Variants in THADA observed in about 807,000 individuals in gnomAD.
THADA encodes the protein tRNA (32-2'-O)-methyltransferase regulator THADA.
A neutral mutation model predicts 219.8 loss-of-function variants in THADA; 213 were observed. The ratio of observed to expected loss-of-function variants is 0.97; its 90% CI spans 0.87 to 1.09. THADA has a LOEUF of 1.09. Ranked by LOEUF, THADA falls within the 50% of genes least tolerant of loss-of-function variation. THADA has a pLI of 0.00. For missense variants in THADA, 2,956 were observed against 2,311.3 expected (o/e 1.28, Z -5.72); for synonymous variants, 1,018 against 828.9 (o/e 1.23, Z -3.92).
intron 26 of THADA, among the ~76,000 whole-genome samples, chr2:43,473,957 A>T (rs1189813533): frequency 6.6e-6 from 1 of 152,144 alleles, no homozygotes; most frequent in Non-Finnish European, 1.5e-5. Flanking sequence ...TAGGTTTTAC[A>T]CCAGCATCAC....
chr2:43,326,536 C>T lies in THADA; in HGVS notation c.4344-5996G>A, dbSNP rs375934182. Among the ~76,000 whole-genome samples, 7 of 152,266 alleles carry T rather than the reference C, an allele frequency of 4.6e-5. No individual in the cohort carries two copies. The East Asian group carries it at 9.6e-4, about 21-fold the overall frequency. On this transcript the variant is annotated intron_variant, in intron 30 of 37. Transcript: ENST00000405975. ...GTGGCCTCCATCAAAGAAGTACCTC[C>T]TAACTCCTATCTACAAGATATAATC...
At chr2:43,374,741 A>G (rs1671185421) in intron 29 of THADA, among the ~76,000 whole-genome samples, 1 of 152,182 alleles carries the variant, frequency 6.6e-6, no homozygotes, top group Admixed American at 6.5e-5. Flanking sequence ...AAGTTAACAT[A>G]TTAGTTTAGT....
In THADA at chr2:43,531,351, G is replaced by A. The variant is rs911972349; in HGVS notation, c.3265-3363C>T. On this transcript the variant is annotated intron_variant, in intron 21 of 37. Transcript: ENST00000405975. ...ACCAACACTAAATAAGTGCGTGCCA[G>A]CTACCTGCCAGATACTTTGCTAGGT... Among the ~76,000 whole-genome samples the A allele has an allele frequency of 7.2e-5, 11 of 152,366 alleles. No homozygotes were observed. In the South Asian group the frequency reaches 2.3e-3, roughly 32 times the overall value.
chr2:43,483,801 C>CA (rs574763804), intron 26 of THADA, among the ~76,000 whole-genome samples: 29 of 150,150 alleles, frequency 1.9e-4, no homozygotes, highest in Non-Finnish European at 3.6e-4. Context: ...TCATAAAAAA[C>CA]AAAAAAAAAT....
intron 29 of THADA, among the ~76,000 whole-genome samples, chr2:43,370,616 CA>C (rs991698787): frequency 2.0e-5 from 3 of 151,854 alleles, no homozygotes; most frequent in African/African-American, 7.3e-5. Flanking sequence ...ATATAATATC[CA>C]AAAAAATAAA....
At chr2:43,533,393 G>T (rs1574117725) in intron 21 of THADA, among the ~76,000 whole-genome samples, 1 of 152,172 alleles carries the variant, frequency 6.6e-6, no homozygotes, top group African/African-American at 2.4e-5. Context: ...TACTGGGTAT[G>T]TACCCAAAGG....
chr2:43,525,745 C>A (rs1048184126), intron 22 of THADA, among the ~76,000 whole-genome samples: 1 of 152,200 alleles, frequency 6.6e-6, no homozygotes, highest in African/African-American at 2.4e-5. Flanking sequence ...AGATACAAAA[C>A]CATGAATGTA....
intron 31 of THADA, among the ~76,000 whole-genome samples, chr2:43,305,614 C>G (rs1163041604): frequency 6.6e-6 from 1 of 152,148 alleles, no homozygotes; most frequent in Non-Finnish European, 1.5e-5. Context: ...TGAGGATACT[C>G]TAAAGACTAT....
rs193004816 is a variant in THADA at position 43,260,415 on chromosome 2, C to A, written c.5296+19350G>T. On this transcript the variant is annotated intron_variant, in intron 36 of 37. Coordinates refer to ENST00000405975, the MANE Select transcript of THADA (RefSeq NM_022065.5). ...CTTTTGCCTCTTTTTCTATTGTCTT[C>A]ATTTACCTATTTTTAAAGACTTCCT... 7.2e-5 allele frequency among the ~76,000 whole-genome samples: 11 copies of A among 152,184 alleles called. No homozygotes were observed. The East Asian group carries it at 1.7e-3, about 24-fold the overall frequency.
intron 29 of THADA, among the ~76,000 whole-genome samples, chr2:43,396,819 A>G (rs1197867357): frequency 6.6e-6 from 1 of 152,152 alleles, no homozygotes; most frequent in Non-Finnish European, 1.5e-5. Context: ...TCAAAAAAAA[A>G]GAAGAAAGAA....
intron 36 of THADA, among the ~76,000 whole-genome samples, chr2:43,236,310 A>G (rs1421554098): frequency 1.3e-5 from 2 of 152,200 alleles, no homozygotes; most frequent in African/African-American, 4.8e-5. Context: ...GGGAAGGATG[A>G]GTTGGATTTA....
rs190005978 is a variant in THADA, at chr2:43,320,293, A to G, written c.4438+153T>C. ...GAACAAGTTTCCCTGACAAACTTCT[A>G]TGAGGGAACTATATGACACTGTTTA... is the stretch of plus-strand genomic sequence containing the variant. On this transcript the variant is annotated intron_variant, in intron 31 of 37. Coordinates refer to ENST00000405975, the MANE Select transcript of THADA (RefSeq NM_022065.5). Among the ~76,000 whole-genome samples the G allele has an allele frequency of 3.3e-5, 5 of 152,364 alleles. No homozygotes were observed. The East Asian group carries it at 9.6e-4, about 29-fold the overall frequency.
intron 36 of THADA, among the ~76,000 whole-genome samples, chr2:43,245,163 T>TTTC (rs1156413731): frequency 2.9e-4 from 39 of 133,816 alleles, no homozygotes; most frequent in African/African-American, 1.0e-3. Flanking sequence ...AGCTTCTTTC[T>TTTC]TTCTTCTTCT....
intron 25 of THADA, among the ~76,000 whole-genome samples, chr2:43,493,430 G>C (rs1162034195): frequency 6.6e-6 from 1 of 152,174 alleles, no homozygotes; most frequent in African/African-American, 2.4e-5. Context: ...GGGAGGCAGA[G>C]GTTGCAGTGA....
At chr2:43,505,876 C>A in intron 23 of THADA, 141 bp from the exon 24 acceptor site, 2 of 642,002 alleles carry the variant, frequency 3.1e-6, no homozygotes, top group Non-Finnish European at 2.7e-6. Flanking sequence ...AGCCATGTGG[C>A]CGTGGGCAAG....
intron 4 of THADA, among the ~76,000 whole-genome samples, chr2:43,587,557 CAGCA>C (rs939721365): frequency 3.3e-5 from 5 of 152,132 alleles, no homozygotes; most frequent in Non-Finnish European, 5.9e-5. Flanking sequence ...CAAATATACC[CAGCA>C]ATCACTGCCT....
chr2:43,541,261 C>T lies in THADA; in HGVS notation c.3162G>A (p.Trp1054Ter). Residue 1054 changes from tryptophan to a stop codon, truncating the protein, a stop_gained, in exon 21 of 38, where the codon TGG (tryptophan) becomes TGA (stop). Coordinates refer to ENST00000405975, the MANE Select transcript of THADA (RefSeq NM_022065.5). LOFTEE classifies it high-confidence loss of function. Reference protein sequence around the residue: ...VTAQMVLVCCWRSMKEVALLL... With the variant: ...VTAQMVLVCC ...GTAAAGCAACTTCCTTCATACTTCTCCAACAACATACCAGCACCATCTGCG... is the reference window on the plus strand; with the variant it reads ...GTAAAGCAACTTCCTTCATACTTCTTCAACAACATACCAGCACCATCTGCG... 6.2e-7 allele frequency: 1 copy of T among 1,613,002 alleles called. No homozygotes were observed. The highest frequency in any genetic ancestry group is 8.5e-7 in the Non-Finnish European group (1 of 1,179,498).
chr2:43,432,446 C>T (rs879122995), intron 26 of THADA, among the ~76,000 whole-genome samples: 1 of 150,860 alleles, frequency 6.6e-6, no homozygotes, highest in African/African-American at 2.4e-5. Flanking sequence ...TCTTGACAGG[C>T]ATGGGTTCTT....
intron 26 of THADA, 58 bp from the exon 27 acceptor site, chr2:43,430,360 A>C: frequency 1.0e-6 from 1 of 988,602 alleles, no homozygotes; most frequent in South Asian, 1.6e-5. Flanking sequence ...CTGACAATAA[A>C]GCCTTTTTTT....
Sources: gnomAD v4.1 joint callset for allele counts (sites outside exome capture counted in the v4.1 genomes callset) on GRCh38, gnomAD v4.1.1 for gene constraint, MANE v1.5 for transcripts, NCBI Gene and HGNC (gene_info 2026-07-23, HGNC 2026-07-21) for gene names.